The following TBCK variants were observed in gnomAD, a reference collection of about 807,000 sequenced individuals.
TBCK encodes the protein TBC1 domain containing kinase.
A neutral mutation model predicts 113.4 loss-of-function variants in TBCK; 99 were observed. The observed-to-expected ratio is 0.87, with a 90% CI of 0.74 to 1.03. The LOEUF (loss-of-function observed/expected upper bound fraction) is 1.03. Among genes scored for constraint, TBCK ranks in the 50% least tolerant of loss-of-function variants. TBCK has a pLI of 0.00. For synonymous variants in TBCK, 369 were observed against 370.8 expected, an observed-to-expected ratio of 1.00 and a Z score of 0.05; for missense variants, 1,045 against 1,061.3, an observed-to-expected ratio of 0.98 and a Z score of 0.21.
intron 25 of TBCK, among the ~76,000 whole-genome samples, chr4:106,092,438 G>A (rs1015291606): frequency 2.0e-5 from 3 of 152,358 alleles, no homozygotes; most frequent in African/African-American, 7.2e-5. Context: ...ACCAGGTGCT[G>A]TGAAGCAGGG....
chr4:106,109,975 A>T (rs990125231), intron 24 of TBCK, among the ~76,000 whole-genome samples: 1 of 151,916 alleles, frequency 6.6e-6, no homozygotes, highest in Non-Finnish European at 1.5e-5. Context: ...CCCGAGAGCG[A>T]AGGTTACATA....
intron 22 of TBCK, among the ~76,000 whole-genome samples, chr4:106,184,055 T>A (rs577667100): frequency 1.3e-5 from 2 of 152,028 alleles, no homozygotes; most frequent in South Asian, 4.1e-4. Context: ...CCTAACTTAC[T>A]AGGGCTTCAC....
At chr4:106,194,686 A>G in intron 21 of TBCK, 32 bp downstream of exon 21, 6 of 1,574,662 alleles carry the variant, frequency 3.8e-6, no homozygotes, top group East Asian at 2.3e-5. Context: ...TGCTAATACA[A>G]TATCAAAAAA....
intron 23 of TBCK, among the ~76,000 whole-genome samples, chr4:106,142,546 C>A (rs1747254792): frequency 6.6e-6 from 1 of 152,142 alleles, no homozygotes; most frequent in Non-Finnish European, 1.5e-5. Flanking sequence ...AGGGCATTTA[C>A]ATACTAGGAT....
intron 2 of TBCK, among the ~76,000 whole-genome samples, chr4:106,301,916 AG>A (rs1292529231): frequency 6.6e-6 from 1 of 152,220 alleles, no homozygotes; most frequent in Non-Finnish European, 1.5e-5. Context: ...GTTCATATTG[AG>A]AAATACTTTC....
At chr4:106,147,781 A>G (rs1279385856) in intron 23 of TBCK, among the ~76,000 whole-genome samples, 1 of 152,242 alleles carries the variant, frequency 6.6e-6, no homozygotes, top group Non-Finnish European at 1.5e-5. Flanking sequence ...CCTTGAAAAA[A>G]GAACAGGATA....
chr4:106,221,471 G>C (rs887887906), intron 19 of TBCK, among the ~76,000 whole-genome samples: 1 of 152,072 alleles, frequency 6.6e-6, no homozygotes, highest in Non-Finnish European at 1.5e-5. Flanking sequence ...GCTTTCAAAT[G>C]AGATAACAAT....
chr4:106,242,484 A>AT lies in TBCK; in HGVS notation c.1155dup (p.Cys386MetfsTer6). 6.2e-7 allele frequency: 1 copy of AT among 1,603,426 alleles called. No homozygotes were observed. Among genetic ancestry groups the AT allele is most frequent in the Non-Finnish European group, 8.5e-7 (1 of 1,175,382 alleles). ...ATCTTTCTTACATTTCTTAGCTGGCATAACGACAATGTCACAGTGGTATCA... is the reference window on the plus strand; with the variant it reads ...ATCTTTCTTACATTTCTTAGCTGGCATTAACGACAATGTCACAGTGGTATCA... On this transcript the variant is annotated frameshift_variant, in exon 12 of 26. Coordinates refer to ENST00000394708, the MANE Select transcript of TBCK (RefSeq NM_001163435.3). LOFTEE classifies it high-confidence loss of function.
intron 23 of TBCK, among the ~76,000 whole-genome samples, chr4:106,138,296 T>C (rs78890192): frequency 0.039 from 5,453 of 141,192 alleles, 1,110 homozygotes; most frequent in East Asian, 0.32. Context: ...GACTGTATTT[T>C]CTATTAAGTA....
At chr4:106,258,741 T>A (rs1232542429) in intron 5 of TBCK, among the ~76,000 whole-genome samples, 1 of 151,912 alleles carries the variant, frequency 6.6e-6, no homozygotes. Flanking sequence ...GCAGCAGCAA[T>A]CACTTGTACT....
At chr4:106,205,587 C>A (rs973752918) in intron 20 of TBCK, among the ~76,000 whole-genome samples, 10 of 64,210 alleles carry the variant, frequency 1.6e-4, no homozygotes, top group Admixed American at 2.1e-4. Flanking sequence ...ACTAAAAATA[C>A]AAAAAAAAAA....
chr4:106,049,397 T>C (rs1734561577), intron 25 of TBCK, among the ~76,000 whole-genome samples: 1 of 152,046 alleles, frequency 6.6e-6, no homozygotes, highest in African/African-American at 2.4e-5. Context: ...TCTTTCCTTT[T>C]ATTTCTCTTT....
intron 1 of TBCK, 107 bp from the exon 2 acceptor site, chr4:106,309,096 C>T: frequency 1.6e-6 from 1 of 612,822 alleles, no homozygotes. Flanking sequence ...CTGAACACTT[C>T]ACAGTAAAAA....
chr4:106,169,966 G>A (rs1265466153), intron 23 of TBCK, among the ~76,000 whole-genome samples: 1 of 152,024 alleles, frequency 6.6e-6, no homozygotes, highest in East Asian at 1.9e-4. Flanking sequence ...GCGCTCAGGT[G>A]GTAATGCAAG....
In TBCK at chr4:106,171,179, T is replaced by C; in HGVS notation, c.2151A>G (p.Pro717=). The C allele has an allele frequency of 6.2e-7, 1 of 1,612,864 alleles. No homozygotes were observed. The highest frequency in any genetic ancestry group is 8.5e-7 in the Non-Finnish European group (1 of 1,179,430). Residue 717 remains proline (P), a synonymous_variant, in exon 23 of 26, where the codon CCA becomes CCG. Transcript: ENST00000394708. ...CTCCACTGCTGTCAGAAGATGGCTTTGGAGGTTGAGCATGCTGTCTGTAAG... is the reference window on the plus strand; with the variant it reads ...CTCCACTGCTGTCAGAAGATGGCTTCGGAGGTTGAGCATGCTGTCTGTAAG... ...SATYRQHAQP[P]KPSSDSSGGR... is the part of the protein sequence containing the mutation.
At chr4:106,316,428 C>A, upstream of TBCK, 1 of 1,016,522 alleles carries the variant, frequency 9.8e-7, no homozygotes, top group South Asian at 1.4e-5. Flanking sequence ...GTTAATGGGA[C>A]TGAGCACAGG....
At chr4:106,235,442 T>C (rs1759346706) in intron 14 of TBCK, 75 bp from the exon 15 acceptor site, 1 of 919,620 alleles carries the variant, frequency 1.1e-6, no homozygotes, top group African/African-American at 1.7e-5. Context: ...GTTCTGAATA[T>C]ACCCATGATA....
At chr4:106,235,192 A>G (rs967984020) in intron 15 of TBCK, 77 bp downstream of exon 15, 3 of 886,182 alleles carry the variant, frequency 3.4e-6, no homozygotes, top group Non-Finnish European at 4.8e-6. Context: ...AGAAAAATAT[A>G]TATTTGGAAA....
chr4:106,255,391 C>T (rs894191074), intron 5 of TBCK, among the ~76,000 whole-genome samples: 10 of 152,280 alleles, frequency 6.6e-5, no homozygotes, highest in Non-Finnish European at 1.5e-4. Flanking sequence ...CATGGCGTGG[C>T]AAGGGGTGTA....
Sources: allele counts gnomAD v4.1 joint callset (sites outside exome capture counted in the v4.1 genomes callset), GRCh38; gene constraint gnomAD v4.1.1; transcripts MANE v1.5; gene names NCBI Gene and HGNC (gene_info 2026-07-23, HGNC 2026-07-21).